The following ADGRE3 variants were observed in gnomAD, a reference collection of about 807,000 sequenced individuals.
ADGRE3 encodes the protein EGF-like module receptor 3.
Under a neutral mutation model 80.1 loss-of-function variants are expected in ADGRE3, and 88 were observed. The ratio of observed to expected loss-of-function variants is 1.10; its 90% CI spans 0.93 to 1.31. The LOEUF is 1.31. Ranked by LOEUF, ADGRE3 falls within the 40% of genes most tolerant of loss-of-function variation. ADGRE3 has a pLI of 0.00. For synonymous variants in ADGRE3, 281 were observed against 294.8 expected (o/e 0.95, Z 0.48); for missense variants, 715 against 776.5 (o/e 0.92, Z 0.94).
At chr19:14,636,445 G>A (rs1017790740) in intron 11 of ADGRE3, among the ~76,000 whole-genome samples, 21 of 151,510 alleles carry the variant, frequency 1.4e-4, no homozygotes, top group African/African-American at 5.1e-4. Flanking sequence ...GGCCTCAAAC[G>A]ATTCTCCCGC....
chr19:14,674,528 A>T (rs748215960), intron 1 of ADGRE3, among the ~76,000 whole-genome samples: 1 of 152,042 alleles, frequency 6.6e-6, no homozygotes, highest in Non-Finnish European at 1.5e-5. Flanking sequence ...AAACAAAACA[A>T]ACAAAAAACC....
chr19:14,647,189 G>T lies in ADGRE3; in HGVS notation c.874C>A (p.His292Asn). Residue 292 changes from histidine (H) to asparagine (N), a missense_variant, in exon 8 of 16, where the codon CAC becomes AAC. His to Asn is a moderately conservative substitution (Grantham distance 68). Transcript: ENST00000253673. ...TCATACCTGTGACCCACCTTCACGT[G>T]CTGGAAAGTCAGCGTCACAGACTTG... ...LSKSVTLTFQ[H>N]VKMTPSTKKV... is the part of the protein sequence containing the mutation. 1 of 1,613,532 alleles carries T rather than the reference G, an allele frequency of 6.2e-7. No individual in the cohort carries two copies. The highest frequency in any genetic ancestry group is 8.5e-7 in the Non-Finnish European group (1 of 1,179,708).
intron 1 of ADGRE3, among the ~76,000 whole-genome samples, chr19:14,672,088 G>T (rs1416269620): frequency 1.3e-5 from 2 of 152,056 alleles, no homozygotes; most frequent in Non-Finnish European, 2.9e-5. Context: ...CAAACCTTAC[G>T]CCTGCCCAAA....
At chr19:14,637,113 A>G (rs894041874) in intron 11 of ADGRE3, among the ~76,000 whole-genome samples, 5 of 152,078 alleles carry the variant, frequency 3.3e-5, no homozygotes, top group African/African-American at 1.2e-4. Context: ...AAAAAAACAA[A>G]ACAAAAAAAA....
chr19:14,628,694 A>G, intron 14 of ADGRE3: 1 of 387,418 alleles, frequency 2.6e-6, no homozygotes. Flanking sequence ...GAGTTGCAAA[A>G]ACTGCAATAG....
At chr19:14,629,903 G>A (rs933554345) in intron 14 of ADGRE3, 136 bp downstream of exon 14, 4 of 519,362 alleles carry the variant, frequency 7.7e-6, no homozygotes, top group Non-Finnish European at 1.0e-5. Context: ...TTAAAGTAGA[G>A]AAAATAGAGA....
At chr19:14,673,482 G>T (rs1972310679) in intron 1 of ADGRE3, among the ~76,000 whole-genome samples, 1 of 152,160 alleles carries the variant, frequency 6.6e-6, no homozygotes, top group Non-Finnish European at 1.5e-5. Context: ...ATAGGGAGAG[G>T]GAGTAGAAAA....
At chr19:14,609,816 C>T in the ADGRE3 span, among the ~76,000 whole-genome samples, 3 of 149,920 alleles carry the variant, frequency 2.0e-5, no homozygotes, top group Admixed American at 6.7e-5. Flanking sequence ...CCAGCCTCAG[C>T]GACAGAGTGA....
Position 14,619,282 on chromosome 19 carries a change from G to C in ADGRE3, c.*151C>G. 1 of 682,276 alleles carries C rather than the reference G, an allele frequency of 1.5e-6. No individual in the cohort carries two copies. Among genetic ancestry groups the C allele is most frequent in the South Asian group, 1.6e-5 (1 of 61,986 alleles). The allele number at this position is 682,276 out of a possible 1,614,324, so 42.3% of individuals were successfully genotyped here. A position where few individuals can be genotyped will look rare whatever the true frequency, so the allele number is the denominator to read the frequency against. ...ACCACACATTTGTTGAGAGCCTATT[G>C]TGGAGAACAAACAGCTTGGGAAGTA... is the stretch of plus-strand genomic sequence containing the variant. On this transcript the variant is annotated 3_prime_UTR_variant, in exon 16 of 16. Coordinates refer to ENST00000253673, the MANE Select transcript of ADGRE3 (RefSeq NM_032571.5).
intron 15 of ADGRE3, among the ~76,000 whole-genome samples, chr19:14,624,389 A>G (rs112538588): frequency 1.3e-5 from 2 of 152,048 alleles, no homozygotes; most frequent in Non-Finnish European, 2.9e-5. Flanking sequence ...CCACTGTGCC[A>G]GGCCTGTGGC....
rs1456377923 is a variant in ADGRE3 at position 14,656,611 on chromosome 19, G to A, written c.394-1446C>T. Among the ~76,000 whole-genome samples, 9 of 152,224 alleles carry A rather than the reference G, an allele frequency of 5.9e-5. No individual in the cohort carries two copies. The South Asian group carries it at 1.9e-3, about 32-fold the overall frequency. On this transcript the variant is annotated intron_variant, in intron 5 of 15. Coordinates refer to ENST00000253673, the MANE Select transcript of ADGRE3 (RefSeq NM_032571.5). ...CTACCCACTTGGCCAGTACCATCTTGTCTGCTCCTTACTGTACACGTGACT... is the reference window on the plus strand; with the variant it reads ...CTACCCACTTGGCCAGTACCATCTTATCTGCTCCTTACTGTACACGTGACT...
intron 5 of ADGRE3, among the ~76,000 whole-genome samples, chr19:14,655,406 C>G (rs1215025105): frequency 6.6e-6 from 1 of 152,044 alleles, no homozygotes; most frequent in Admixed American, 6.6e-5. Context: ...TTAACAGATG[C>G]TCTTCTTTTA....
At chr19:14,648,347 C>T (rs1971475580) in intron 7 of ADGRE3, among the ~76,000 whole-genome samples, 2 of 152,238 alleles carry the variant, frequency 1.3e-5, no homozygotes, top group African/African-American at 4.8e-5. Flanking sequence ...GCACAGAGGA[C>T]AGGCTGGAAG....
chr19:14,647,040 T>C, intron 8 of ADGRE3, 141 bp downstream of exon 8: 1 of 638,716 alleles, frequency 1.6e-6, no homozygotes, highest in Non-Finnish European at 2.8e-6. Flanking sequence ...ACCAGCTACA[T>C]TTCAAATGCT....
At chr19:14,674,509 AAAAC>A (rs368704613) in intron 1 of ADGRE3, among the ~76,000 whole-genome samples, 19 of 152,096 alleles carry the variant, frequency 1.2e-4, no homozygotes, top group African/African-American at 2.4e-5. Context: ...AAAACAAAAC[AAAAC>A]AAACAAACAA....
chr19:14,649,392 C>CTCTCTTTTTCCATCTCTCTCCCCA lies in ADGRE3; in HGVS notation c.697+1692_697+1693insTGGGGAGAGAGATGGAAAAAGAGA, dbSNP rs1489590826. On this transcript the variant is annotated intron_variant, in intron 7 of 15. Coordinates refer to ENST00000253673, the MANE Select transcript of ADGRE3 (RefSeq NM_032571.5). ...TCTCTTTCCATCTCTCTCTCCCCAT[C>CTCTCTTTTTCCATCTCTCTCCCCA]TCTCTCTTTCCATCTCTCTCCCCAT... Among the ~76,000 whole-genome samples the CTCTCTTTTTCCATCTCTCTCCCCA allele has an allele frequency of 5.3e-5, 8 of 150,684 alleles. 1 individual carries two copies. The highest frequency in any genetic ancestry group is 1.5e-5 in the Non-Finnish European group (1 of 67,634).
intron 1 of ADGRE3, among the ~76,000 whole-genome samples, chr19:14,670,087 G>A (rs914884398): frequency 6.6e-6 from 1 of 152,092 alleles, no homozygotes; most frequent in Non-Finnish European, 1.5e-5. Context: ...TGTTTGTTTT[G>A]TTATCACTCT....
intron 14 of ADGRE3, chr19:14,628,706 A>G: frequency 2.6e-6 from 1 of 386,786 alleles, no homozygotes; most frequent in Non-Finnish European, 5.2e-6. Flanking sequence ...CTGCAATAGC[A>G]GACTGGGATG....
At chr19:14,605,341 C>T in the ADGRE3 span, among the ~76,000 whole-genome samples, 1 of 149,782 alleles carries the variant, frequency 6.7e-6, no homozygotes. Context: ...GGTGATCCAC[C>T]TGTGTTGGCC....
Sources: gnomAD v4.1 joint callset for allele counts (sites outside exome capture counted in the v4.1 genomes callset) on GRCh38, gnomAD v4.1.1 for gene constraint, MANE v1.5 for transcripts, NCBI Gene and HGNC (gene_info 2026-07-23, HGNC 2026-07-21) for gene names.